Variants in CCDC187 observed in about 807,000 individuals in gnomAD.
CCDC187 encodes coiled-coil domain-containing protein 187.
In CCDC187, 32 loss-of-function variants were observed where a neutral mutation model predicts 38.0. The ratio of observed to expected loss-of-function variants is 0.84; its 90% confidence interval spans 0.64 to 1.13. The LOEUF (loss-of-function observed/expected upper bound fraction) is 1.13, where lower values mean the gene tolerates loss of function less well. Among genes scored for constraint, CCDC187 ranks in the 50% most tolerant of loss-of-function variants. The pLI is 0.00. For synonymous variants in CCDC187, 333 were observed against 347.9 expected (o/e 0.96, Z 0.48); for missense variants, 707 against 786.8 (o/e 0.90, Z 1.21).
intron 14 of CCDC187, among the ~76,000 whole-genome samples, chr9:136,269,276 A>C (rs1301569819): frequency 2.0e-5 from 3 of 152,238 alleles, no homozygotes; most frequent in Admixed American, 2.0e-4. Flanking sequence ...ACTGATCCAG[A>C]TCGACCTAAC....
intron 4 of CCDC187, among the ~76,000 whole-genome samples, chr9:136,292,922 C>T (rs1418957826): frequency 3.3e-5 from 5 of 152,216 alleles, no homozygotes; most frequent in African/African-American, 4.8e-5. Flanking sequence ...AACGAGCCTT[C>T]GCACGCAAAT....
intron 12 of CCDC187, among the ~76,000 whole-genome samples, chr9:136,275,905 G>A (rs1412955315): frequency 6.6e-6 from 1 of 152,160 alleles, no homozygotes; most frequent in Non-Finnish European, 1.5e-5. Context: ...GGCCTACCAA[G>A]CCTGGGACAC....
chr9:136,258,680 A>G lies in CCDC187; in HGVS notation c.4366+252T>C. The G allele has an allele frequency of 2.0e-6, 2 of 985,232 alleles. No individual in the cohort carries two copies. Among genetic ancestry groups the G allele is most frequent in the Non-Finnish European group, 2.4e-6 (2 of 829,692 alleles). 61.0% of individuals were successfully genotyped at this position (985,232 alleles called of 1,614,324 possible). A position where few individuals can be genotyped will look rare whatever the true frequency, so the allele number is the denominator to read the frequency against. On this transcript the variant is annotated intron_variant, in intron 22 of 25. Transcript: ENST00000638797. The surrounding 1 kb of genome is among the most constrained non-coding windows in gnomAD (Gnocchi z 4.3). ...GCCCCAGATGAACGAAGTTGCGACT[A>G]AAACAATCCCAGCCAGTTATGACTT...
At chr9:136,273,187 G>A (rs111662324) in intron 14 of CCDC187, among the ~76,000 whole-genome samples, 2 of 152,216 alleles carry the variant, frequency 1.3e-5, no homozygotes, top group African/African-American at 4.8e-5. Context: ...CACGTTCAAT[G>A]TGAATAGTGT....
rs1830594526 is a variant in CCDC187 at position 136,254,926 on chromosome 9, T to C, written c.4902A>G (p.Lys1634=). Reference sequence around the variant, plus strand: ...AAAGCTGGATCAGGGTAGCCGCTGCTTTCTGGAACTCCCAGAGAGAGGGAC... The same window carrying C: ...AAAGCTGGATCAGGGTAGCCGCTGCCTTCTGGAACTCCCAGAGAGAGGGAC... ...LSCPSLWEFQ[K]AAATLIQLSG... is the part of the protein sequence containing the mutation. Residue 1634 remains lysine (K), a synonymous_variant, in exon 26 of 26, where the codon AAA becomes AAG. Coordinates refer to ENST00000638797, the MANE Select transcript of CCDC187 (RefSeq NM_001378188.1). 5 of 985,388 alleles carry C rather than the reference T, an allele frequency of 5.1e-6. No homozygotes were observed. The South Asian group carries it at 1.4e-4, about 28-fold the overall frequency. 61.0% of individuals were successfully genotyped at this position (985,388 alleles called of 1,614,324 possible).
chr9:136,280,776 C>G (rs1831023500), intron 10 of CCDC187, among the ~76,000 whole-genome samples: 1 of 152,204 alleles, frequency 6.6e-6, no homozygotes, highest in Non-Finnish European at 1.5e-5. Context: ...GCCCACTCCC[C>G]CAGGCCTTCC....
intron 17 of CCDC187, among the ~76,000 whole-genome samples, chr9:136,265,112 G>A (rs909099526): frequency 6.6e-6 from 1 of 152,224 alleles, no homozygotes; most frequent in South Asian, 2.1e-4. Context: ...TGGGGGCACT[G>A]AAGTGAGGAT....
rs1554760009 is a variant in CCDC187 at position 136,254,476 on chromosome 9, G to T, written c.5352C>A (p.Ser1784=). 3 of 985,480 alleles carry T rather than the reference G, an allele frequency of 3.0e-6. No individual in the cohort carries two copies. The highest frequency in any genetic ancestry group is 3.6e-6 in the Non-Finnish European group (3 of 829,976). 61.0% of individuals were successfully genotyped at this position (985,480 alleles called of 1,614,324 possible). The change falls in exon 26 of 26, where the codon TCC becomes TCA. Residue 1784 remains serine, a synonymous_variant. Coordinates refer to ENST00000638797, the MANE Select transcript of CCDC187 (RefSeq NM_001378188.1). Reference sequence around the variant, plus strand: ...GGCCCAGTGAGCCACCTGCAGGCAGGGAGCTCCCCGAGGCTGGCTTGGCCC... The same window carrying T: ...GGCCCAGTGAGCCACCTGCAGGCAGTGAGCTCCCCGAGGCTGGCTTGGCCC... ...CTGAKPASGS[S]LPAGGSLGLG...
intron 2 of CCDC187, among the ~76,000 whole-genome samples, chr9:136,302,453 C>T (rs1462753062): frequency 2.0e-5 from 3 of 151,222 alleles, no homozygotes; most frequent in Non-Finnish European, 2.9e-5. Flanking sequence ...CTTTTTAGGG[C>T]GCTCCTGACC....
At chr9:136,265,727 C>G (rs993574968) in intron 17 of CCDC187, 1 of 154,544 alleles carries the variant, frequency 6.5e-6, no homozygotes, top group Non-Finnish European at 1.4e-5. Flanking sequence ...CCCAGAAGGC[C>G]GCAGACACTC....
intron 10 of CCDC187, among the ~76,000 whole-genome samples, chr9:136,277,861 C>T (rs1830963101): frequency 6.6e-6 from 1 of 152,216 alleles, no homozygotes; most frequent in African/African-American, 2.4e-5. Context: ...AGGATCCCCA[C>T]TCCGACTGTC....
At chr9:136,295,565 GATGA>G (rs1233329215) in intron 4 of CCDC187, among the ~76,000 whole-genome samples, 40 of 152,294 alleles carry the variant, frequency 2.6e-4, no homozygotes, top group African/African-American at 9.4e-4. Context: ...GGCCCGGATG[GATGA>G]ATATTTTATA....
In CCDC187 at chr9:136,265,272, T is replaced by C. The variant is rs557089157; in HGVS notation, c.3735+684A>G. ...CCTGACTCTGGCAGCTTTTCCCCCC[T>C]CCACATGTGCCCCCAGCACCGACTT... On this transcript the variant is annotated intron_variant, in intron 17 of 25. Transcript: ENST00000638797. Among the ~76,000 whole-genome samples, 181 of 152,108 alleles carry C rather than the reference T, an allele frequency of 1.2e-3. No homozygotes were observed. In the South Asian group the frequency reaches 0.015, roughly 13 times the overall value.
At chr9:136,281,753 G>C (rs1275532108) in intron 9 of CCDC187, 90 bp from the exon 10 acceptor site, 2 of 397,888 alleles carry the variant, frequency 5.0e-6, no homozygotes, top group African/African-American at 4.1e-5. Flanking sequence ...TCATTGAGCA[G>C]GAACCTGGGC....
At chr9:136,260,339 C>T (rs1422006495) in intron 19 of CCDC187, 75 bp from the exon 20 acceptor site, 3 of 978,380 alleles carry the variant, frequency 3.1e-6, no homozygotes, top group East Asian at 1.1e-4. Context: ...TGGCCACAAC[C>T]TCCACCAGCA....
chr9:136,297,117 T>A (rs2131346056), intron 4 of CCDC187, among the ~76,000 whole-genome samples: 1 of 152,176 alleles, frequency 6.6e-6, no homozygotes, highest in East Asian at 1.9e-4. Flanking sequence ...CAGTATCTGT[T>A]ACTGCTCTGA....
chr9:136,287,814 T>C lies in CCDC187; in HGVS notation c.2223-1119A>G, dbSNP rs1050855842. ...TGGCTGCCAAGGGCTGGGGAGGAGA[T>C]GGAGAGTTAGTGTTTCATGGGGACA... On this transcript the variant is annotated intron_variant, in intron 7 of 25. Transcript: ENST00000638797. 4.9e-3 allele frequency among the ~76,000 whole-genome samples: 747 copies of C among 151,830 alleles called. 2 individuals carry two copies. The highest frequency in any genetic ancestry group is 7.4e-3 in the Non-Finnish European group (504 of 67,896).
chr9:136,263,926 A>C, intron 17 of CCDC187, 128 bp from the exon 18 acceptor site: 3 of 651,272 alleles, frequency 4.6e-6, no homozygotes, highest in Admixed American at 6.3e-5. Flanking sequence ...TTTCCCTCCA[A>C]TTGGCCTTTG....
At chr9:136,262,020 C>T (rs947895806) in intron 19 of CCDC187, among the ~76,000 whole-genome samples, 1 of 152,280 alleles carries the variant, frequency 6.6e-6, no homozygotes, top group Non-Finnish European at 1.5e-5. Flanking sequence ...ATCACTCCCC[C>T]TCCCCTGCTC....
Sources: gnomAD v4.1 joint callset for allele counts (sites outside exome capture counted in the v4.1 genomes callset) on GRCh38, gnomAD v4.1.1 for gene constraint, Gnocchi (gnomAD v3.1) non-coding constraint, MANE v1.5 for transcripts, NCBI Gene and HGNC (gene_info 2026-07-23, HGNC 2026-07-21) for gene names.